Variants in PPT2 observed in about 807,000 individuals in gnomAD.
The protein encoded by PPT2 is lysosomal thioesterase PPT2.
PPT2 carries 20 observed loss-of-function variants against 37.3 expected under a neutral mutation model. That is an observed-to-expected ratio of 0.54 (90% CI 0.38 to 0.78). The LOEUF is 0.78. PPT2 is among the 30% of genes least tolerant of loss of function. The pLI, the probability that PPT2 is intolerant of heterozygous loss-of-function variation, is 0.00. For missense variants in PPT2, 270 were observed against 389.8 expected (o/e 0.69, Z 2.59); for synonymous variants, 135 against 159.1 (o/e 0.85, Z 1.14).
At chr6:32,154,054 G>C (rs920287625), upstream of PPT2, 14 of 1,119,016 alleles carry the variant, frequency 1.3e-5, no homozygotes, top group African/African-American at 1.6e-5. This position sits in a 1 kb window ranked among gnomAD's most constrained non-coding sequence, Gnocchi z 7.3. Flanking sequence ...TCTGTGTTGC[G>C]GGGAACGCTC....
At chr6:32,153,831 A>C (rs1783522477), upstream of PPT2, 1 of 1,040,266 alleles carries the variant, frequency 9.6e-7, no homozygotes, top group Non-Finnish European at 1.4e-6. The surrounding 1 kb of genome is among the most constrained non-coding windows in gnomAD (Gnocchi z 4.4). Context: ...CTGCGGAGCC[A>C]GACGCCTGTA....
chr6:32,163,278 C>A lies in PPT2; in HGVS notation c.*328C>A. ...GGCTGCTTTTGCTGCTGCTGCTCCTCCGTATCTGGCTGTATGGGTGGAGAA... is the reference window on the plus strand; with the variant it reads ...GGCTGCTTTTGCTGCTGCTGCTCCTACGTATCTGGCTGTATGGGTGGAGAA... On this transcript the variant is annotated 3_prime_UTR_variant, in exon 9 of 9. Coordinates refer to ENST00000324816, the MANE Select transcript of PPT2 (RefSeq NM_005155.7). 3.0e-6 allele frequency: 1 copy of A among 333,136 alleles called. No homozygotes were observed. Among genetic ancestry groups the A allele is most frequent in the African/African-American group, 2.1e-5 (1 of 47,720 alleles). The allele number at this position is 333,136 out of a possible 1,614,324, so 20.6% of individuals were successfully genotyped here.
chr6:32,157,625 G>A lies in PPT2; in HGVS notation c.542-12G>A, dbSNP rs759968448. On this transcript the variant is annotated splice_polypyrimidine_tract_variant and intron_variant, in intron 5 of 8. Transcript: ENST00000324816. ...TTTTCTGCTTCTTTTTCTAACTGCT[G>A]TTTGTACCCAGATCCCCACCACGAT... 6.4e-7 allele frequency: 1 copy of A among 1,572,346 alleles called. No individual in the cohort carries two copies. The highest frequency in any genetic ancestry group is 8.7e-7 in the Non-Finnish European group (1 of 1,142,968).
rs375395033 is a variant in PPT2 at position 32,162,655 on chromosome 6, C to T, written c.765+33C>T. 352 of 1,583,540 alleles carry T rather than the reference C, an allele frequency of 2.2e-4. 1 individual carries two copies. The highest frequency in any genetic ancestry group is 3.7e-4 in the Admixed American group (22 of 59,948). On this transcript the variant is annotated intron_variant, in intron 8 of 8. Transcript: ENST00000324816. The surrounding 1 kb of genome is among the most constrained non-coding windows in gnomAD (Gnocchi z 5.5). ...CCCTGGGATTACTTCCCCTTCTAGCCGCTGTCCCACCTTATTCCAGAGCCC... is the reference window on the plus strand; with the variant it reads ...CCCTGGGATTACTTCCCCTTCTAGCTGCTGTCCCACCTTATTCCAGAGCCC...
chr6:32,161,998 G>A (rs1211002145), intron 7 of PPT2, among the ~76,000 whole-genome samples: 1 of 152,120 alleles, frequency 6.6e-6, no homozygotes, highest in East Asian at 1.9e-4. Context: ...GATTACAGGT[G>A]TGAGCCACCT....
rs779258367 is a variant in PPT2 at position 32,154,633 on chromosome 6, G to T, written c.39G>T (p.Trp13Cys). ...GLCGQRLPAA[W>C]VLLLLPFLPL... ...GCGGGCAGCGGCTCCCCGCGGCGTG[G>T]GTCCTGCTTCTGTTGCCTTTCCTGC... is the stretch of plus-strand genomic sequence containing the variant. Residue 13 changes from tryptophan to cysteine, a missense_variant, in exon 2 of 9, where the codon TGG (tryptophan) becomes TGT (cysteine). By Grantham distance (215) the Trp-to-Cys change is radical. Transcript: ENST00000324816. This position sits in a 1 kb window ranked among gnomAD's most constrained non-coding sequence, Gnocchi z 7.3. 6.2e-7 allele frequency: 1 copy of T among 1,612,498 alleles called. No homozygotes were observed. The highest frequency in any genetic ancestry group is 1.1e-5 in the South Asian group (1 of 91,046).
At chr6:32,161,959 C>A (rs913029297) in intron 7 of PPT2, among the ~76,000 whole-genome samples, 1 of 152,022 alleles carries the variant, frequency 6.6e-6, no homozygotes, top group African/African-American at 2.4e-5. Context: ...CTCAGGTGAT[C>A]CGCCGGCCTT....
At position 32,155,997 on chromosome 6, in the gene PPT2, C is replaced by T. The variant is rs1783777353; in HGVS notation, c.541+19C>T. 6.3e-7 allele frequency: 1 copy of T among 1,577,470 alleles called. No individual in the cohort carries two copies. The highest frequency in any genetic ancestry group is 1.3e-5 in the African/African-American group (1 of 74,106). On this transcript the variant is annotated intron_variant, in intron 5 of 8. Coordinates refer to ENST00000324816, the MANE Select transcript of PPT2 (RefSeq NM_005155.7). The surrounding 1 kb of genome is among the most constrained non-coding windows in gnomAD (Gnocchi z 4.3). ...TGGCATGGTGAGTGGGGATGCTGAA[C>T]TGGGGCTTCCATGGATCAGGTCAGT...
At chr6:32,153,905 C>T, upstream of PPT2, 1 of 1,314,188 alleles carries the variant, frequency 7.6e-7, no homozygotes, top group Non-Finnish European at 1.0e-6. The surrounding 1 kb of genome is among the most constrained non-coding windows in gnomAD (Gnocchi z 4.4). Context: ...GCAACGAAGC[C>T]TGGAGAGGCC....
At chr6:32,157,995 G>T (rs1733547616) in intron 7 of PPT2, 71 bp downstream of exon 7, 1 of 1,283,038 alleles carries the variant, frequency 7.8e-7, no homozygotes, top group South Asian at 1.3e-5. Flanking sequence ...TTTATCTCAT[G>T]CCTAAACTGG....
In PPT2 at chr6:32,155,701, C is replaced by G; in HGVS notation, c.351C>G (p.Cys117Trp). ...TTCTGCTTACAGGGGGCCTTGTGTG[C>G]CGGGCTCTGCTTTCTGTCATGGATG... ...LICYSQGGLV[C>W]RALLSVMDDH... Residue 117 changes from cysteine to tryptophan, a missense_variant, in exon 4 of 9, where the codon TGC (cysteine) becomes TGG (tryptophan). Coordinates refer to ENST00000324816, the MANE Select transcript of PPT2 (RefSeq NM_005155.7). This position sits in a 1 kb window ranked among gnomAD's most constrained non-coding sequence, Gnocchi z 4.3. The G allele has an allele frequency of 6.2e-7, 1 of 1,613,740 alleles. No homozygotes were observed. The highest frequency in any genetic ancestry group is 8.5e-7 in the Non-Finnish European group (1 of 1,179,936).
At position 32,154,192 on chromosome 6, in the gene PPT2, C is replaced by T; in HGVS notation, c.-221C>T. ...ACCCTTCCCCCCGCCACCGTGGGTT[C>T]CAGACTTGGGATAAGTAAACAGCGG... On this transcript the variant is annotated 5_prime_UTR_variant, in exon 1 of 9. Coordinates refer to ENST00000324816, the MANE Select transcript of PPT2 (RefSeq NM_005155.7). The surrounding 1 kb of genome is among the most constrained non-coding windows in gnomAD (Gnocchi z 7.3). 8.9e-7 allele frequency: 1 copy of T among 1,120,176 alleles called. No individual in the cohort carries two copies. Among genetic ancestry groups the T allele is most frequent in the Non-Finnish European group, 1.1e-6 (1 of 915,078 alleles). 69.4% of individuals were successfully genotyped at this position (1,120,176 alleles called of 1,614,324 possible). A position where few individuals can be genotyped will look rare whatever the true frequency, so the allele number is the denominator to read the frequency against.
chr6:32,153,746 G>A, upstream of PPT2: 1 of 1,371,432 alleles, frequency 7.3e-7, no homozygotes, highest in African/African-American at 1.4e-5. The surrounding 1 kb of genome is among the most constrained non-coding windows in gnomAD (Gnocchi z 4.4). Flanking sequence ...CCCAGCACAC[G>A]GCAAAATGCA....
Position 32,154,293 on chromosome 6 carries a change from A to C in PPT2, c.-120A>C. The C allele has an allele frequency of 5.2e-6, 7 of 1,333,626 alleles. No homozygotes were observed. Among genetic ancestry groups the C allele is most frequent in the Non-Finnish European group, 5.7e-6 (6 of 1,044,318 alleles). The allele number at this position is 1,333,626 out of a possible 1,614,324, so 82.6% of individuals were successfully genotyped here. ...GGGGCCTGGGCTGCTGCTCACGGGT[A>C]TTAAAGAACTCCGCGTTGTTCATGG... On this transcript the variant is annotated 5_prime_UTR_variant, in exon 1 of 9. Transcript: ENST00000324816. The surrounding 1 kb of genome is among the most constrained non-coding windows in gnomAD (Gnocchi z 7.3).
Position 32,154,491 on chromosome 6 carries a change from T to A in PPT2, c.-9+87T>A. On this transcript the variant is annotated intron_variant, in intron 1 of 8. Transcript: ENST00000324816. The surrounding 1 kb of genome is among the most constrained non-coding windows in gnomAD (Gnocchi z 7.3). ...GCTATTTTGTGACACGGACCTGGTG[T>A]GGGAGCGAGAGGAGGTGGCTTGATT... The A allele has an allele frequency of 4.6e-6, 7 of 1,522,010 alleles. No homozygotes were observed. Among genetic ancestry groups the A allele is most frequent in the Non-Finnish European group, 6.2e-6 (7 of 1,134,332 alleles). The allele number at this position is 1,522,010 out of a possible 1,614,324, so 94.3% of individuals were successfully genotyped here.
At chr6:32,153,882 T>C (rs3130280), upstream of PPT2, 53,492 of 1,200,532 alleles carry the variant, frequency 0.045, 1,579 homozygotes, top group African/African-American at 0.098. This position sits in a 1 kb window ranked among gnomAD's most constrained non-coding sequence, Gnocchi z 4.4. Flanking sequence ...ATCGGACTTT[T>C]GGGTCGCTGG....
rs1382680834 is a variant in PPT2 at position 32,163,617 on chromosome 6, T to A, written c.*667T>A. On this transcript the variant is annotated 3_prime_UTR_variant, in exon 9 of 9. Transcript: ENST00000324816. ...TTCTTTGAGGCCCCAGGCCCTCTTT[T>A]AACTACCTTTGAATAGGTGTTATCC... 1 of 152,806 alleles carries A rather than the reference T, an allele frequency of 6.5e-6. No individual in the cohort carries two copies. The highest frequency in any genetic ancestry group is 1.5e-5 in the Non-Finnish European group (1 of 68,140). The allele number at this position is 152,806 out of a possible 1,614,324, so 9.5% of individuals were successfully genotyped here.
chr6:32,154,484 C>A lies in PPT2; in HGVS notation c.-9+80C>A, dbSNP rs1783591892. On this transcript the variant is annotated intron_variant, in intron 1 of 8. Coordinates refer to ENST00000324816, the MANE Select transcript of PPT2 (RefSeq NM_005155.7). This position sits in a 1 kb window ranked among gnomAD's most constrained non-coding sequence, Gnocchi z 7.3. ...AAAGTAGGCTATTTTGTGACACGGACCTGGTGTGGGAGCGAGAGGAGGTGG... is the reference window on the plus strand; with the variant it reads ...AAAGTAGGCTATTTTGTGACACGGAACTGGTGTGGGAGCGAGAGGAGGTGG... 2 of 1,514,560 alleles carry A rather than the reference C, an allele frequency of 1.3e-6. No homozygotes were observed. Among genetic ancestry groups the A allele is most frequent in the Non-Finnish European group, 8.8e-7 (1 of 1,132,190 alleles). The allele number at this position is 1,514,560 out of a possible 1,614,324, so 93.8% of individuals were successfully genotyped here. A position where few individuals can be genotyped will look rare whatever the true frequency, so the allele number is the denominator to read the frequency against.
Position 32,154,209 on chromosome 6 carries a change from A to T in PPT2, c.-204A>T, listed in dbSNP as rs1449417481. 8.8e-7 allele frequency: 1 copy of T among 1,140,882 alleles called. No individual in the cohort carries two copies. Among genetic ancestry groups the T allele is most frequent in the Non-Finnish European group, 1.1e-6 (1 of 928,470 alleles). 70.7% of individuals were successfully genotyped at this position (1,140,882 alleles called of 1,614,324 possible). A position where few individuals can be genotyped will look rare whatever the true frequency, so the allele number is the denominator to read the frequency against. On this transcript the variant is annotated 5_prime_UTR_variant, in exon 1 of 9. Transcript: ENST00000324816. This position sits in a 1 kb window ranked among gnomAD's most constrained non-coding sequence, Gnocchi z 7.3. Reference sequence around the variant, plus strand: ...CGTGGGTTCCAGACTTGGGATAAGTAAACAGCGGGTGGAGCGAGGCCTACG... The same window carrying T: ...CGTGGGTTCCAGACTTGGGATAAGTTAACAGCGGGTGGAGCGAGGCCTACG...
Sources: allele counts gnomAD v4.1 joint callset (sites outside exome capture counted in the v4.1 genomes callset), GRCh38; gene constraint gnomAD v4.1.1; non-coding constraint Gnocchi (gnomAD v3.1); transcripts MANE v1.5; gene names NCBI Gene and HGNC (gene_info 2026-07-23, HGNC 2026-07-21).